Variants in RBFOX1 observed in about 807,000 individuals in gnomAD.
RBFOX1 encodes RNA binding protein fox-1 homolog 1.
In RBFOX1, 8 loss-of-function variants were observed where a neutral mutation model predicts 57.7. The ratio of observed to expected loss-of-function variants is 0.14; its 90% confidence interval spans 0.08 to 0.25. The LOEUF is 0.25. Ranked by LOEUF, RBFOX1 falls within the 10% of genes least tolerant of loss-of-function variation. The probability of loss-of-function intolerance (pLI) is 1.00; values close to 1 mark genes in which losing one functional copy is unlikely to be tolerated. For missense variants in RBFOX1, 611 were observed against 548.5 expected (o/e 1.11, Z -1.14); for synonymous variants, 326 against 222.4 (o/e 1.47, Z -4.15).
intron 11 of RBFOX1, among the ~76,000 whole-genome samples, chr16:7,648,807 C>T (rs1203418370): frequency 6.6e-6 from 1 of 152,104 alleles, no homozygotes; most frequent in East Asian, 1.9e-4. Flanking sequence ...TAGTGTGCTG[C>T]CATCGAGGAG....
At chr16:6,957,512 C>A (rs910225843) in intron 3 of RBFOX1, among the ~76,000 whole-genome samples, 1 of 152,150 alleles carries the variant, frequency 6.6e-6, no homozygotes. Context: ...TATAAACTTT[C>A]ACCGTGCTGG....
intron 1 of RBFOX1, among the ~76,000 whole-genome samples, chr16:6,122,008 C>G (rs149789405): frequency 6.6e-6 from 1 of 152,266 alleles, no homozygotes; most frequent in East Asian, 1.9e-4. Flanking sequence ...GGGGTTCAAG[C>G]AATTCTCCTG....
chr16:6,342,721 A>G (rs968765618), intron 2 of RBFOX1, among the ~76,000 whole-genome samples: 15 of 152,232 alleles, frequency 9.9e-5, no homozygotes, highest in South Asian at 4.1e-4. Flanking sequence ...TGTGTTTGGT[A>G]TTTGATAAAT....
intron 4 of RBFOX1, among the ~76,000 whole-genome samples, chr16:7,056,532 T>C (rs2052334832): frequency 6.6e-6 from 1 of 152,062 alleles, no homozygotes; most frequent in African/African-American, 2.4e-5. Context: ...AACATTTACC[T>C]CTCCAGCATC....
chr16:6,760,427 T>G (rs1389209326), intron 3 of RBFOX1, among the ~76,000 whole-genome samples: 1 of 152,214 alleles, frequency 6.6e-6, no homozygotes, highest in Non-Finnish European at 1.5e-5. Context: ...CAAGAAGTGA[T>G]ACTTTAATGT....
chr16:5,507,207 C>G (rs987445008), intron 2 of RBFOX1, among the ~76,000 whole-genome samples: 12 of 152,122 alleles, frequency 7.9e-5, no homozygotes, highest in African/African-American at 2.7e-4. Flanking sequence ...ACCGAATAAG[C>G]AACACCAACC....
chr16:7,184,224 A>G (rs1304089730), intron 4 of RBFOX1, among the ~76,000 whole-genome samples: 1 of 152,214 alleles, frequency 6.6e-6, no homozygotes, highest in Non-Finnish European at 1.5e-5. Flanking sequence ...GAGGCAGATC[A>G]AGGAGGACTT....
At chr16:6,708,932 C>A (rs1380727744) in intron 3 of RBFOX1, among the ~76,000 whole-genome samples, 1 of 152,054 alleles carries the variant, frequency 6.6e-6, no homozygotes, top group Non-Finnish European at 1.5e-5. Flanking sequence ...CTTAAGCCAA[C>A]ATCATAGTGG....
At chr16:6,344,346 C>G (rs187359355) in intron 2 of RBFOX1, among the ~76,000 whole-genome samples, 45 of 151,522 alleles carry the variant, frequency 3.0e-4, no homozygotes, top group African/African-American at 8.7e-4. Context: ...CCACCATGCC[C>G]GGCCTGGTAT....
intron 4 of RBFOX1, among the ~76,000 whole-genome samples, chr16:7,069,978 T>G (rs2153774140): frequency 6.6e-6 from 1 of 152,210 alleles, no homozygotes; most frequent in East Asian, 1.9e-4. Flanking sequence ...TTCCATCAAG[T>G]AAGGTTTTCT....
At chr16:6,293,631 T>C (rs889882996) in intron 1 of RBFOX1, among the ~76,000 whole-genome samples, 1 of 152,096 alleles carries the variant, frequency 6.6e-6, no homozygotes, top group Non-Finnish European at 1.5e-5. Flanking sequence ...CTTAGTGTCT[T>C]TTAATAGAGG....
chr16:6,989,833 C>T (rs2091108629), intron 3 of RBFOX1, among the ~76,000 whole-genome samples: 1 of 151,950 alleles, frequency 6.6e-6, no homozygotes. Flanking sequence ...AATTCCATCT[C>T]TACTAAAAAT....
chr16:7,684,894 G>A (rs559490809), intron 14 of RBFOX1, among the ~76,000 whole-genome samples: 20 of 152,032 alleles, frequency 1.3e-4, no homozygotes, highest in African/African-American at 4.6e-4. Flanking sequence ...CACTATTTTT[G>A]TTTTCTTCCA....
chr16:7,058,266 G>C (rs141877663), intron 4 of RBFOX1, among the ~76,000 whole-genome samples: 3 of 152,206 alleles, frequency 2.0e-5, no homozygotes, highest in Non-Finnish European at 4.4e-5. Context: ...ATGCCAATCA[G>C]AAATGCTCAG....
intron 2 of RBFOX1, among the ~76,000 whole-genome samples, chr16:6,494,323 C>G (rs929991436): frequency 6.6e-6 from 1 of 152,180 alleles, no homozygotes; most frequent in Non-Finnish European, 1.5e-5. Flanking sequence ...AGGTACTGAG[C>G]AGTTCCATCC....
intron 2 of RBFOX1, among the ~76,000 whole-genome samples, chr16:6,539,829 A>ACACACACACACACACACACG (rs1431765862): frequency 1.3e-5 from 2 of 151,892 alleles, no homozygotes; most frequent in Non-Finnish European, 2.9e-5. Flanking sequence ...ACACACACAC[A>ACACACACACACACACACACG]CACACACAGA....
chr16:5,828,724 C>G lies in RBFOX1; in HGVS notation c.319-38579C>G, dbSNP rs149188433. On this transcript the variant is annotated intron_variant, in intron 3 of 19. Coordinates refer to the RBFOX1 transcript ENST00000641259. ...AGAAAAGAAAAGAAAAAAATGGAAC[C>G]TTGTCAAAGTTGAGAGTGGAGGATT... is the stretch of plus-strand genomic sequence containing the variant. Among the ~76,000 whole-genome samples, 1,506 of 152,074 alleles carry G rather than the reference C, an allele frequency of 9.9e-3. 31 individuals are homozygous for G. The highest frequency in any genetic ancestry group is 0.011 in the Non-Finnish European group (716 of 67,974).
chr16:5,861,771 A>T (rs980327638), intron 3 of RBFOX1, among the ~76,000 whole-genome samples: 28 of 152,192 alleles, frequency 1.8e-4, no homozygotes, highest in African/African-American at 6.8e-4. Flanking sequence ...ATTTGTTGCA[A>T]AGTGCAAAGG....
intron 3 of RBFOX1, among the ~76,000 whole-genome samples, chr16:6,717,745 T>G (rs992193290): frequency 2.0e-5 from 3 of 152,176 alleles, no homozygotes; most frequent in African/African-American, 7.2e-5. Flanking sequence ...GTACCAGGGA[T>G]GTGTCATTAG....
Sources: gnomAD v4.1 joint callset for allele counts (sites outside exome capture counted in the v4.1 genomes callset) on GRCh38, gnomAD v4.1.1 for gene constraint, MANE v1.5 for transcripts, NCBI Gene and HGNC (gene_info 2026-07-23, HGNC 2026-07-21) for gene names.